SIRT1: variants seen among roughly 807,000 people sequenced by gnomAD.
SIRT1 encodes NAD-dependent protein deacetylase sirtuin-1.
Under a neutral mutation model 67.9 loss-of-function variants are expected in SIRT1, and 24 were observed. The observed-to-expected ratio is 0.35, with a 90% CI of 0.26 to 0.50. SIRT1 has a LOEUF of 0.50. Among genes scored for constraint, SIRT1 ranks in the 20% least tolerant of loss-of-function variants. The pLI is 0.98. For missense variants in SIRT1, 873 were observed against 937.2 expected (o/e 0.93, Z 0.89); for synonymous variants, 378 against 350.7 (o/e 1.08, Z -0.87).
At chr10:67,893,952 T>A (rs758749319) in intron 4 of SIRT1, among the ~76,000 whole-genome samples, 1 of 152,218 alleles carries the variant, frequency 6.6e-6, no homozygotes, top group East Asian at 1.9e-4. Flanking sequence ...GAATAAATTA[T>A]GTTACTTAAA....
chr10:67,896,182 C>G (rs1030382263), intron 4 of SIRT1, among the ~76,000 whole-genome samples: 4 of 152,200 alleles, frequency 2.6e-5, no homozygotes, highest in African/African-American at 9.6e-5. Context: ...TAGTTTCACT[C>G]TGTCGAGCCA....
intron 4 of SIRT1, among the ~76,000 whole-genome samples, chr10:67,893,833 G>A (rs1055874491): frequency 1.3e-5 from 2 of 152,140 alleles, no homozygotes; most frequent in African/African-American, 4.8e-5. Flanking sequence ...GCGAGGCACC[G>A]CGCCCCGCGC....
Position 67,889,036 on chromosome 10 carries a change from G to GA in SIRT1, c.709dup (p.Arg237LysfsTer5). ...ATATCCTTTCAGAACCACCAAAAAG[G>GA]AAAAAAAGAAAAGATATTAATACAA... On this transcript the variant is annotated frameshift_variant, in exon 3 of 9. Transcript: ENST00000212015. LOFTEE classifies it high-confidence loss of function. 2 of 1,611,640 alleles carry GA rather than the reference G, an allele frequency of 1.2e-6. No homozygotes were observed. Among genetic ancestry groups the GA allele is most frequent in the Non-Finnish European group, 1.7e-6 (2 of 1,179,418 alleles).
chr10:67,888,835 T>C, intron 2 of SIRT1, 47 bp from the exon 3 acceptor site: 1 of 1,543,442 alleles, frequency 6.5e-7, no homozygotes. Flanking sequence ...AATGAGATTT[T>C]GAATTACTTG....
chr10:67,904,754 G>T (rs1232546662), intron 4 of SIRT1, among the ~76,000 whole-genome samples: 4 of 151,480 alleles, frequency 2.6e-5, no homozygotes, highest in Non-Finnish European at 4.4e-5. Flanking sequence ...TGAGGCAGGA[G>T]AATCACTTGA....
chr10:67,904,437 T>C (rs1163567654), intron 4 of SIRT1, among the ~76,000 whole-genome samples: 1 of 152,096 alleles, frequency 6.6e-6, no homozygotes, highest in Non-Finnish European at 1.5e-5. Context: ...ACACCTGTAC[T>C]ACTACTTTTA....
At position 67,916,684 on chromosome 10, in the gene SIRT1, C is replaced by G; in HGVS notation, c.*91C>G. The G allele has an allele frequency of 1.0e-6, 1 of 1,002,524 alleles. No individual in the cohort carries two copies. The highest frequency in any genetic ancestry group is 1.4e-6 in the Non-Finnish European group (1 of 698,358). The allele number at this position is 1,002,524 out of a possible 1,614,324, so 62.1% of individuals were successfully genotyped here. A position where few individuals can be genotyped will look rare whatever the true frequency, so the allele number is the denominator to read the frequency against. On this transcript the variant is annotated 3_prime_UTR_variant, in exon 9 of 9. Transcript: ENST00000212015. The stretch of plus-strand genomic sequence containing the variant: ...ATGTTTACTTGTGAACTCGATAGAG[C>G]AAGGAAACCAGAAAGGTGTAATATT...
At chr10:67,915,564 G>T (rs932179409) in intron 8 of SIRT1, among the ~76,000 whole-genome samples, 2 of 152,240 alleles carry the variant, frequency 1.3e-5, no homozygotes, top group South Asian at 2.1e-4. Context: ...GAGATCTCGG[G>T]TGAATGTAAA....
At chr10:67,887,847 A>G (rs737477) in intron 2 of SIRT1, among the ~76,000 whole-genome samples, 4 of 152,166 alleles carry the variant, frequency 2.6e-5, no homozygotes, top group Admixed American at 6.5e-5. Flanking sequence ...AAGTGCTGGG[A>G]TTACAGGCAT....
intron 3 of SIRT1, among the ~76,000 whole-genome samples, chr10:67,889,554 C>T (rs746950780): frequency 6.6e-6 from 1 of 152,172 alleles, no homozygotes; most frequent in Non-Finnish European, 1.5e-5. Context: ...CCTACCTTCC[C>T]TCCATATTAA....
Position 67,884,794 on chromosome 10 carries a change from G to A in SIRT1, c.73G>A (p.Ala25Thr). 8.3e-7 allele frequency: 1 copy of A among 1,204,974 alleles called. No homozygotes were observed. The highest frequency in any genetic ancestry group is 1.0e-6 in the Non-Finnish European group (1 of 972,496). The allele number at this position is 1,204,974 out of a possible 1,614,324, so 74.6% of individuals were successfully genotyped here. ...GGCGGCGGGGGCCGACAGGGAGGCCGCGTCGTCCCCCGCCGGGGAGCCGCT... is the reference window on the plus strand; with the variant it reads ...GGCGGCGGGGGCCGACAGGGAGGCCACGTCGTCCCCCGCCGGGGAGCCGCT... ...PSAAGADREA[A>T]SSPAGEPLRK... Residue 25 changes from alanine (A) to threonine (T), a missense_variant, in exon 1 of 9, where the codon GCG becomes ACG. Around this residue, in one of 3 missense-constraint regions of SIRT1, gnomAD observed 327 missense variants for 283.9 expected, o/e 1.15. Coordinates refer to ENST00000212015, the MANE Select transcript of SIRT1 (RefSeq NM_012238.5).
At chr10:67,886,964 C>A (rs1400061402) in intron 1 of SIRT1, among the ~76,000 whole-genome samples, 2 of 151,800 alleles carry the variant, frequency 1.3e-5, no homozygotes, top group Non-Finnish European at 2.9e-5. Flanking sequence ...CTCCGCTTCC[C>A]GGGTTCAAGC....
chr10:67,890,763 G>A (rs1361755352), intron 3 of SIRT1, among the ~76,000 whole-genome samples: 1 of 151,562 alleles, frequency 6.6e-6, no homozygotes, highest in Non-Finnish European at 1.5e-5. Flanking sequence ...GGGCGCGGTG[G>A]CTCACACCTG....
chr10:67,891,314 C>T (rs1226272241), intron 3 of SIRT1, 88 bp from the exon 4 acceptor site: 2 of 1,219,306 alleles, frequency 1.6e-6, no homozygotes, highest in East Asian at 2.4e-5. Flanking sequence ...TCTTTCTCAA[C>T]TCTTACCTAA....
intron 4 of SIRT1, chr10:67,906,380 C>A: frequency 7.7e-7 from 1 of 1,303,626 alleles, no homozygotes; most frequent in Admixed American, 2.7e-5. Context: ...CTTGTATTGA[C>A]AGTGCTTTTT....
At chr10:67,906,560 C>G (rs1297331602) in intron 4 of SIRT1, among the ~76,000 whole-genome samples, 1 of 152,006 alleles carries the variant, frequency 6.6e-6, no homozygotes, top group Non-Finnish European at 1.5e-5. Context: ...TATGGGCCGA[C>G]TTTGTCTTTT....
chr10:67,906,603 T>A (rs1161573322), intron 4 of SIRT1, among the ~76,000 whole-genome samples, 187 bp from the exon 5 acceptor site: 1 of 152,208 alleles, frequency 6.6e-6, no homozygotes, highest in Non-Finnish European at 1.5e-5. Context: ...AATTGCTGAG[T>A]TTTATGCATA....
At chr10:67,912,076 A>G (rs1842909203) in intron 7 of SIRT1, among the ~76,000 whole-genome samples, 2 of 151,974 alleles carry the variant, frequency 1.3e-5, no homozygotes, top group Non-Finnish European at 2.9e-5. Context: ...CCTTCTTTAT[A>G]TCAGGAGCTA....
chr10:67,912,625 C>T lies in SIRT1; in HGVS notation c.1509C>T (p.Asn503=). 6.2e-7 allele frequency: 1 copy of T among 1,614,028 alleles called. No individual in the cohort carries two copies. The highest frequency in any genetic ancestry group is 1.3e-5 in the African/African-American group (1 of 75,006). ...GTGAATATGCCAAACTTTGCTGTAA[C>T]CCTGTAAAGCTTTCAGAAATTACTG... ...LGGEYAKLCC[N]PVKLSEITEK... Residue 503 remains asparagine, a synonymous_variant, in exon 8 of 9, where the codon AAC becomes AAT. Transcript: ENST00000212015.
Sources: allele counts gnomAD v4.1 joint callset (sites outside exome capture counted in the v4.1 genomes callset), GRCh38; gene constraint gnomAD v4.1.1; regional missense constraint gnomAD v4.1.1; transcripts MANE v1.5; gene names NCBI Gene and HGNC (gene_info 2026-07-23, HGNC 2026-07-21).